CCDC7: variants seen among roughly 807,000 people sequenced by gnomAD.
CCDC7 encodes coiled-coil domain containing 7, also known as coiled-coil domain-containing protein 7.
Under a neutral mutation model 196.9 loss-of-function variants are expected in CCDC7, and 183 were observed. That is an observed-to-expected ratio of 0.93 (90% CI 0.82 to 1.05). The LOEUF (loss-of-function observed/expected upper bound fraction) is 1.05, where lower values mean the gene tolerates loss of function less well. Ranked by LOEUF, CCDC7 falls within the 50% of genes least tolerant of loss-of-function variation. CCDC7 has a pLI of 0.00. For synonymous variants in CCDC7, 525 were observed against 484.6 expected, an observed-to-expected ratio of 1.08 and a Z score of -1.10; for missense variants, 1,540 against 1,482.2, an observed-to-expected ratio of 1.04 and a Z score of -0.64.
chr10:32,594,861 T>G (rs1238320208), intron 18 of CCDC7, among the ~76,000 whole-genome samples: 1 of 152,228 alleles, frequency 6.6e-6, no homozygotes, highest in Non-Finnish European at 1.5e-5. Flanking sequence ...TTTATTGATT[T>G]GTGTATGTTG....
chr10:32,522,267 G>A (rs2047992615), intron 11 of CCDC7, among the ~76,000 whole-genome samples: 2 of 152,120 alleles, frequency 1.3e-5, no homozygotes, highest in Non-Finnish European at 1.5e-5. Flanking sequence ...TTCTTTAAAT[G>A]TTTGGTAAAA....
chr10:32,573,509 T>C (rs1335001453), intron 16 of CCDC7, among the ~76,000 whole-genome samples: 2 of 152,170 alleles, frequency 1.3e-5, no homozygotes. Flanking sequence ...GGAAAAATCT[T>C]AAAGAGGGGT....
At chr10:32,874,692 C>T (rs1367575365) in intron 41 of CCDC7, among the ~76,000 whole-genome samples, 1 of 150,864 alleles carries the variant, frequency 6.6e-6, no homozygotes, top group Non-Finnish European at 1.5e-5. Context: ...CACACATACA[C>T]ACATATGTAT....
chr10:32,688,071 C>CT (rs970756233), intron 22 of CCDC7, among the ~76,000 whole-genome samples: 14 of 152,042 alleles, frequency 9.2e-5, no homozygotes, highest in South Asian at 2.1e-4. Context: ...GTTCATATCT[C>CT]TTTTTTTTCC....
At chr10:32,713,278 T>A (rs1003258050) in intron 25 of CCDC7, among the ~76,000 whole-genome samples, 1 of 152,226 alleles carries the variant, frequency 6.6e-6, no homozygotes, top group African/African-American at 2.4e-5. Flanking sequence ...CTCCTCGTCC[T>A]CATGTCAGGG....
intron 13 of CCDC7, among the ~76,000 whole-genome samples, chr10:32,545,047 A>G (rs1001327010): frequency 6.6e-6 from 1 of 152,244 alleles, no homozygotes; most frequent in Non-Finnish European, 1.5e-5. Context: ...GGCTAGACAC[A>G]TTCAAGTCTA....
intron 15 of CCDC7, 62 bp downstream of exon 16, chr10:32,567,953 A>G: frequency 1.3e-5 from 18 of 1,403,726 alleles, no homozygotes; most frequent in Non-Finnish European, 1.7e-5. Flanking sequence ...CTTTTATATT[A>G]TTATTTACTT....
At chr10:32,741,980 T>C (rs1243853493) in intron 28 of CCDC7, among the ~76,000 whole-genome samples, 1 of 152,106 alleles carries the variant, frequency 6.6e-6, no homozygotes, top group Non-Finnish European at 1.5e-5. Flanking sequence ...TTTTATCTGA[T>C]ATTAATGTAT....
chr10:32,736,283 T>A (rs980286355), intron 28 of CCDC7, among the ~76,000 whole-genome samples: 3 of 151,928 alleles, frequency 2.0e-5, no homozygotes, highest in African/African-American at 7.3e-5. Flanking sequence ...GACTTCCTAT[T>A]CTTTAACATG....
rs571516064 is a variant in CCDC7 at position 32,575,147 on chromosome 10, A to C, written c.1454+3254A>C. Among the ~76,000 whole-genome samples the C allele has an allele frequency of 9.8e-5, 15 of 152,328 alleles. 1 individual carries two copies. The Middle Eastern group carries it at 0.014, about 138-fold the overall frequency. On this transcript the variant is annotated intron_variant, in intron 16 of 41. Coordinates refer to ENST00000639629, the Ensembl canonical transcript of CCDC7. Reference sequence around the variant, plus strand: ...TATCTGACAGTCACAGGGAAGGATAATTTAGATTGGGTGGTCAAGGAAGGT... The same window carrying C: ...TATCTGACAGTCACAGGGAAGGATACTTTAGATTGGGTGGTCAAGGAAGGT...
At chr10:32,642,514 G>C (rs1004060253) in intron 20 of CCDC7, among the ~76,000 whole-genome samples, 6 of 152,120 alleles carry the variant, frequency 3.9e-5, no homozygotes, top group Non-Finnish European at 1.5e-5. Flanking sequence ...GTATTAGTTT[G>C]GGAATGACCC....
At chr10:32,830,028 A>G (rs1310794623) in intron 32 of CCDC7, among the ~76,000 whole-genome samples, 1 of 149,078 alleles carries the variant, frequency 6.7e-6, no homozygotes. Flanking sequence ...CTTGTTCCTC[A>G]GCTTGCAGGA....
At chr10:32,869,166 C>A (rs1437762911) in intron 41 of CCDC7, among the ~76,000 whole-genome samples, 1 of 152,162 alleles carries the variant, frequency 6.6e-6, no homozygotes, top group Admixed American at 6.5e-5. Flanking sequence ...AATGGTTGAA[C>A]TAGTTTACAC....
chr10:32,525,124 A>G (rs2048458489), intron 11 of CCDC7, among the ~76,000 whole-genome samples: 1 of 151,528 alleles, frequency 6.6e-6, no homozygotes. Context: ...GAGGGATAGC[A>G]TTGGACAAAT....
At chr10:32,610,029 AGTGT>A (rs113353807) in intron 18 of CCDC7, among the ~76,000 whole-genome samples, 23 of 146,414 alleles carry the variant, frequency 1.6e-4, no homozygotes, top group East Asian at 4.0e-4. Flanking sequence ...TGTATGTATG[AGTGT>A]GTGTGTGTGT....
intron 26 of CCDC7, among the ~76,000 whole-genome samples, chr10:32,727,089 T>C (rs2083239858): frequency 6.6e-6 from 1 of 152,108 alleles, no homozygotes; most frequent in African/African-American, 2.4e-5. Context: ...GCCTACAGTA[T>C]CTTGAAGAGT....
chr10:32,622,407 C>G (rs972882369), intron 18 of CCDC7, among the ~76,000 whole-genome samples: 8 of 151,944 alleles, frequency 5.3e-5, no homozygotes, highest in Non-Finnish European at 8.8e-5. Flanking sequence ...TCCATTCGAG[C>G]CTTCTCCTGC....
exon 1 of CCDC7, chr10:32,451,800 T>C (rs1394193888): frequency 6.2e-7 from 1 of 1,614,034 alleles, no homozygotes; most frequent in Non-Finnish European, 8.5e-7. Context: ...CCAATGGTCC[T>C]AAGATCTCCA....
chr10:32,738,373 A>G (rs1309025418), intron 28 of CCDC7, among the ~76,000 whole-genome samples: 1 of 152,028 alleles, frequency 6.6e-6, no homozygotes, highest in Non-Finnish European at 1.5e-5. Flanking sequence ...TCACTTATAT[A>G]TAAGCTATAA....
Sources: gnomAD v4.1 joint callset for allele counts (sites outside exome capture counted in the v4.1 genomes callset) on GRCh38, gnomAD v4.1.1 for gene constraint, MANE v1.5 for transcripts, NCBI Gene and HGNC (gene_info 2026-07-23, HGNC 2026-07-21) for gene names.